ROBO2: variants seen among roughly 807,000 people sequenced by gnomAD.
The protein encoded by ROBO2 is roundabout homolog 2.
Under a neutral mutation model 160.8 loss-of-function variants are expected in ROBO2, and 53 were observed. That is an observed-to-expected ratio of 0.33 (90% CI 0.26 to 0.41). The LOEUF is 0.41. Among genes scored for constraint, ROBO2 ranks in the 10% least tolerant of loss-of-function variants. The pLI is 1.00. For missense variants in ROBO2, 1,577 were observed against 1,722.4 expected (o/e 0.92, Z 1.49); for synonymous variants, 664 against 611.7 (o/e 1.09, Z -1.26).
chr3:76,772,724 G>T (rs1190347129), intron 2 of ROBO2, among the ~76,000 whole-genome samples: 1 of 150,950 alleles, frequency 6.6e-6, no homozygotes, highest in African/African-American at 2.4e-5. Context: ...ATGGTCATTT[G>T]CCAGAGTGGA....
intron 16 of ROBO2, among the ~76,000 whole-genome samples, chr3:77,584,892 A>ATGTG (rs71104693): frequency 0.12 from 18,232 of 147,244 alleles, 1,275 homozygotes; most frequent in East Asian, 0.25. Flanking sequence ...ATATATATGT[A>ATGTG]TGTGTGTGTG....
chr3:77,213,409 G>A (rs1315586517), intron 2 of ROBO2, among the ~76,000 whole-genome samples: 3 of 151,850 alleles, frequency 2.0e-5, no homozygotes, highest in African/African-American at 7.3e-5. Context: ...GTATTTCTAT[G>A]GGATCGGTGG....
intron 13 of ROBO2, among the ~76,000 whole-genome samples, chr3:77,573,008 CTTT>C (rs1197045575): frequency 1.3e-5 from 2 of 151,922 alleles, no homozygotes; most frequent in African/African-American, 4.8e-5. Context: ...CCATAATTCT[CTTT>C]TTTATTTCCT....
At chr3:76,882,968 C>T (rs910184252) in intron 2 of ROBO2, among the ~76,000 whole-genome samples, 4 of 152,092 alleles carry the variant, frequency 2.6e-5, no homozygotes, top group Admixed American at 6.5e-5. Flanking sequence ...TGTATGTTAG[C>T]GTTACTTGTA....
intron 2 of ROBO2, among the ~76,000 whole-genome samples, chr3:76,987,416 TTTGA>T (rs146636037): frequency 0.018 from 2,743 of 152,340 alleles, 24 homozygotes; most frequent in Non-Finnish European, 0.029. Flanking sequence ...GCGACTTCCC[TTTGA>T]TTGAAATCTT....
rs2094313118 is a variant in ROBO2 at position 77,596,760 on chromosome 3, GT to G, written c.2854+16del. ...AATTTTGGCCGTGGAGGTAAGTTGT[GT>G]TTTTTAAAATAGTGTTATTTGAGTT... On this transcript the variant is annotated intron_variant, in intron 19 of 25. Transcript: ENST00000461745. The G allele has an allele frequency of 1.2e-6, 2 of 1,607,582 alleles. No homozygotes were observed. The highest frequency in any genetic ancestry group is 3.4e-5 in the Admixed American group (2 of 59,518).
intron 2 of ROBO2, among the ~76,000 whole-genome samples, chr3:77,458,318 C>A (rs1195145411): frequency 6.6e-6 from 1 of 152,136 alleles, no homozygotes; most frequent in Non-Finnish European, 1.5e-5. Flanking sequence ...TTATGTGACT[C>A]TGAGAAGTTA....
chr3:77,403,856 C>G (rs2076036981), intron 2 of ROBO2, among the ~76,000 whole-genome samples: 1 of 151,880 alleles, frequency 6.6e-6, no homozygotes, highest in Non-Finnish European at 1.5e-5. Flanking sequence ...GAGTTTGAAT[C>G]AGACCAATGG....
chr3:76,665,143 T>A lies in ROBO2; in HGVS notation c.110-432871T>A, dbSNP rs186764776. Among the ~76,000 whole-genome samples, 236 of 152,276 alleles carry A rather than the reference T, an allele frequency of 1.5e-3. 2 individuals are homozygous for A. The highest frequency in any genetic ancestry group is 5.3e-3 in the African/African-American group (219 of 41,560). On this transcript the variant is annotated intron_variant, in intron 2 of 26. Transcript: ENST00000487694. ...AACTACTCTCTCTTTCCCCTCAATG[T>A]TTTCCTTTTCTATTCTCAGCTTCCT...
chr3:76,413,122 T>C (rs1283333558), intron 2 of ROBO2, among the ~76,000 whole-genome samples: 4 of 152,202 alleles, frequency 2.6e-5, no homozygotes, highest in African/African-American at 9.6e-5. Context: ...CCTTTCAGCA[T>C]GGCTGGAGCA....
chr3:77,198,901 C>T (rs948194536), intron 2 of ROBO2, among the ~76,000 whole-genome samples: 4 of 150,972 alleles, frequency 2.6e-5, no homozygotes, highest in South Asian at 2.1e-4. Flanking sequence ...AGACTCTGTC[C>T]TAAAAAAAAA....
rs1491236295 is a variant in ROBO2, at chr3:77,428,337, A to ATTTTTTTTTT, written c.389-49076_389-49075insTTTTTTTTTT. ...AGGCATTCACAGCAAAACTTAGGTA[A>ATTTTTTTTTT]TATTTTTTTTTTTTTTTTTTTTTTT... On this transcript the variant is annotated intron_variant, in intron 2 of 25. Transcript: ENST00000461745. Among the ~76,000 whole-genome samples the ATTTTTTTTTT allele has an allele frequency of 7.0e-5, 9 of 128,304 alleles. 1 individual carries two copies. The highest frequency in any genetic ancestry group is 1.2e-4 in the African/African-American group (4 of 32,876). The allele number at this position is 128,304 out of a possible 152,430, so 84.2% of individuals were successfully genotyped here.
At chr3:76,677,343 A>C in intron 2 of ROBO2, among the ~76,000 whole-genome samples, 1 of 152,198 alleles carries the variant, frequency 6.6e-6, no homozygotes, top group South Asian at 2.1e-4. Flanking sequence ...AGTCTAGGGC[A>C]GTGGTCCCAA....
intron 2 of ROBO2, among the ~76,000 whole-genome samples, chr3:75,993,919 C>T (rs1032170251): frequency 1.6e-4 from 24 of 152,166 alleles, no homozygotes; most frequent in African/African-American, 4.6e-4. Context: ...ACATTAGGAG[C>T]GTGTATGCTG....
chr3:76,073,379 C>CG (rs1206343782), intron 2 of ROBO2, among the ~76,000 whole-genome samples: 5 of 141,926 alleles, frequency 3.5e-5, no homozygotes, highest in Admixed American at 7.6e-5. Flanking sequence ...CTGCAAGCTC[C>CG]CCTCCTGGGT....
In ROBO2 at chr3:76,272,760, TA is replaced by T. The variant is rs1216629222; in HGVS notation, c.109+335160del. On this transcript the variant is annotated intron_variant, in intron 2 of 26. Coordinates refer to the ROBO2 transcript ENST00000487694. ...TATATATTCTCTATATATAAATATA[TA>T]ATATATATTTATATATAAAATATAT... is the stretch of plus-strand genomic sequence containing the variant. Among the ~76,000 whole-genome samples the T allele has an allele frequency of 2.2e-3, 113 of 52,440 alleles. 1 individual carries two copies. The highest frequency in any genetic ancestry group is 3.3e-3 in the Non-Finnish European group (83 of 25,282). The allele number at this position is 52,440 out of a possible 152,430, so 34.4% of individuals were successfully genotyped here.
At chr3:76,949,758 G>A (rs901114815) in intron 2 of ROBO2, among the ~76,000 whole-genome samples, 1 of 152,218 alleles carries the variant, frequency 6.6e-6, no homozygotes, top group Admixed American at 6.5e-5. Context: ...ACACAGGCCA[G>A]GCACAGTGGT....
intron 2 of ROBO2, among the ~76,000 whole-genome samples, chr3:76,205,601 T>A (rs1702762710): frequency 6.6e-6 from 1 of 152,154 alleles, no homozygotes; most frequent in East Asian, 1.9e-4. Context: ...CATCTTCCCA[T>A]TGAACAGGTT....
At chr3:76,728,437 A>G (rs917984687) in intron 2 of ROBO2, among the ~76,000 whole-genome samples, 13 of 152,204 alleles carry the variant, frequency 8.5e-5, no homozygotes, top group Admixed American at 8.5e-4. Flanking sequence ...TAACTCTTAT[A>G]ATATCAGATG....
Sources: allele counts gnomAD v4.1 joint callset (sites outside exome capture counted in the v4.1 genomes callset), GRCh38; gene constraint gnomAD v4.1.1; transcripts MANE v1.5; gene names NCBI Gene and HGNC (gene_info 2026-07-23, HGNC 2026-07-21).